Variants in ERCC3 observed in about 807,000 individuals in gnomAD.
ERCC3 encodes the protein general transcription and DNA repair factor IIH helicase/translocase subunit XPB.
ERCC3 carries 66 observed loss-of-function variants against 94.2 expected under a neutral mutation model. The observed-to-expected ratio is 0.70, with a 90% CI of 0.57 to 0.86. ERCC3 has a LOEUF of 0.86. ERCC3 is among the 40% of genes least tolerant of loss of function. The probability of loss-of-function intolerance (pLI) is 0.00; values close to 1 mark genes in which losing one functional copy is unlikely to be tolerated. For missense variants in ERCC3, 829 were observed against 987.1 expected, an observed-to-expected ratio of 0.84 and a Z score of 2.15; for synonymous variants, 349 against 369.1, an observed-to-expected ratio of 0.95 and a Z score of 0.63.
chr2:127,261,406 G>C (rs1416061143), intron 12 of ERCC3, 60 bp from the exon 13 acceptor site: 1 of 1,055,474 alleles, frequency 9.5e-7, no homozygotes, highest in African/African-American at 1.6e-5. Context: ...AGAATGCCAA[G>C]AGCTAAGGGT....
chr2:127,264,870 C>T lies in ERCC3; in HGVS notation c.1946-3524G>A, dbSNP rs931814167. ...AGATTTTTTTTTTTTTTTTTGGAGG[C>T]GGAGTCTCACTCTGTCACCCAGGCT... On this transcript the variant is annotated intron_variant, in intron 12 of 14. Coordinates refer to ENST00000285398, the MANE Select transcript of ERCC3 (RefSeq NM_000122.2). The surrounding 1 kb of genome is among the most constrained non-coding windows in gnomAD (Gnocchi z 4.4). Among the ~76,000 whole-genome samples, 2 of 143,318 alleles carry T rather than the reference C, an allele frequency of 1.4e-5. No homozygotes were observed. Among genetic ancestry groups the T allele is most frequent in the East Asian group, 2.0e-4 (1 of 5,014 alleles). The allele number at this position is 143,318 out of a possible 152,430, so 94.0% of individuals were successfully genotyped here.
chr2:127,277,955 C>G lies in ERCC3; in HGVS notation c.1730+1218G>C, dbSNP rs1346250022. On this transcript the variant is annotated intron_variant, in intron 10 of 14. Coordinates refer to ENST00000285398, the MANE Select transcript of ERCC3 (RefSeq NM_000122.2). The surrounding 1 kb of genome is among the most constrained non-coding windows in gnomAD (Gnocchi z 5.1). Reference sequence around the variant, plus strand: ...AAGCTATTGCTTAGAAAGATGAAGGCTGGCCAGGTGTGGTGGCTCATGACT... The same window carrying G: ...AAGCTATTGCTTAGAAAGATGAAGGGTGGCCAGGTGTGGTGGCTCATGACT... Among the ~76,000 whole-genome samples, 1 of 151,944 alleles carries G rather than the reference C, an allele frequency of 6.6e-6. No individual in the cohort carries two copies.
Position 127,264,167 on chromosome 2 carries a change from C to G in ERCC3, c.1946-2821G>C, listed in dbSNP as rs975976766. Reference sequence around the variant, plus strand: ...ATCATGAAGGAATGTTGAATTTTATCAAAAGCTCTTTCTGGGCTGGGCGCA... The same window carrying G: ...ATCATGAAGGAATGTTGAATTTTATGAAAAGCTCTTTCTGGGCTGGGCGCA... On this transcript the variant is annotated intron_variant, in intron 12 of 14. Transcript: ENST00000285398. The surrounding 1 kb of genome is among the most constrained non-coding windows in gnomAD (Gnocchi z 4.4). 1.2e-4 allele frequency among the ~76,000 whole-genome samples: 18 copies of G among 152,112 alleles called. No individual in the cohort carries two copies. The highest frequency in any genetic ancestry group is 3.9e-4 in the African/African-American group (16 of 41,434).
rs761403861 is a variant in ERCC3 at position 127,280,450 on chromosome 2, AG to A, written c.1523del (p.Ala508ValfsTer29). On this transcript the variant is annotated frameshift_variant, in exon 9 of 15. Transcript: ENST00000285398. LOFTEE classifies it high-confidence loss of function. The surrounding 1 kb of genome is among the most constrained non-coding windows in gnomAD (Gnocchi z 6.3). ...CCCCCAGCCCAGGCCCAGCTACCTC[AG>A]CACACTGGACTTTGGCGATGTAGCC... is the stretch of plus-strand genomic sequence containing the variant. ...NNGYIAKVQCAEVWCPMSPEF... is the reference protein window; with the variant it reads ...NNGYIAKVQCXEVWCPMSPEF... 6.2e-7 allele frequency: 1 copy of A among 1,611,256 alleles called. No individual in the cohort carries two copies. The highest frequency in any genetic ancestry group is 8.5e-7 in the Non-Finnish European group (1 of 1,178,926).
In ERCC3 at chr2:127,272,846, C is replaced by T. The variant is rs1382375705; in HGVS notation, c.1827+19G>A. ...CAGAGTGCTAGGGGCCTCACCTCCA[C>T]CCCATATGCCACACAAACCTTGGAT... On this transcript the variant is annotated intron_variant, in intron 11 of 14. Transcript: ENST00000285398. The T allele has an allele frequency of 9.0e-6, 14 of 1,552,916 alleles. No individual in the cohort carries two copies. Among genetic ancestry groups the T allele is most frequent in the South Asian group, 2.2e-5 (2 of 89,816 alleles).
rs2104761804 is a variant in ERCC3 at position 127,280,464 on chromosome 2, T to G, written c.1510A>C (p.Lys504Gln). The G allele has an allele frequency of 6.2e-7, 1 of 1,612,814 alleles. No individual in the cohort carries two copies. Among genetic ancestry groups the G allele is most frequent in the Non-Finnish European group, 8.5e-7 (1 of 1,179,548 alleles). The change falls in exon 9 of 15, where the codon AAA (lysine) becomes CAA (glutamine). Residue 504 changes from lysine (K) to glutamine (Q), a missense_variant. Lys to Gln is a moderately conservative substitution (Grantham distance 53). Coordinates refer to ENST00000285398, the MANE Select transcript of ERCC3 (RefSeq NM_000122.2). The surrounding 1 kb of genome is among the most constrained non-coding windows in gnomAD (Gnocchi z 6.3). The stretch of plus-strand genomic sequence containing the variant: ...CCAGCTACCTCAGCACACTGGACTT[T>G]GGCGATGTAGCCATTATTCTGCAGC... ...MELQNNGYIAKVQCAEVWCPM... is the reference protein window; with the variant it reads ...MELQNNGYIAQVQCAEVWCPM...
At position 127,278,690 on chromosome 2, in the gene ERCC3, A is replaced by C. The variant is rs4150465; in HGVS notation, c.1730+483T>G. Among the ~76,000 whole-genome samples, 214 of 152,278 alleles carry C rather than the reference A, an allele frequency of 1.4e-3. 4 individuals are homozygous for C. The East Asian group carries it at 0.036, about 26-fold the overall frequency. ...TACAAAAGCCAGGTTTTAAGCACAA[A>C]TATTTGGGTGGAGCCATGGGTTGAT... On this transcript the variant is annotated intron_variant, in intron 10 of 14. Coordinates refer to ENST00000285398, the MANE Select transcript of ERCC3 (RefSeq NM_000122.2).
chr2:127,288,057 T>C (rs1419887253), intron 7 of ERCC3, among the ~76,000 whole-genome samples: 3 of 152,210 alleles, frequency 2.0e-5, no homozygotes, highest in South Asian at 2.1e-4. Flanking sequence ...CCTGAAGACC[T>C]TGCCTCTGTA....
At chr2:127,272,367 G>A (rs770133161) in intron 11 of ERCC3, among the ~76,000 whole-genome samples, 14 of 152,154 alleles carry the variant, frequency 9.2e-5, no homozygotes, top group Admixed American at 2.6e-4. Flanking sequence ...GTCTTAATCT[G>A]AATGACTATT....
At position 127,292,755 on chromosome 2, in the gene ERCC3, C is replaced by A. The variant is rs755616510; in HGVS notation, c.326G>T (p.Arg109Leu). 4 of 1,613,640 alleles carry A rather than the reference C, an allele frequency of 2.5e-6. No homozygotes were observed. The highest frequency in any genetic ancestry group is 2.2e-5 in the East Asian group (1 of 44,892). Residue 109 changes from arginine to leucine, a missense_variant, in exon 3 of 15, where the codon CGA becomes CTA. Transcript: ENST00000285398. ...TTTGTACTCATGCACATGGGTTGGTCGGCACACTGGCTCTGCAATAGCCAC... is the reference window on the plus strand; with the variant it reads ...TTTGTACTCATGCACATGGGTTGGTAGGCACACTGGCTCTGCAATAGCCAC... ...FLVAIAEPVC[R>L]PTHVHEYKLT...
chr2:127,272,718 G>GC (rs1684598082), intron 11 of ERCC3, 147 bp downstream of exon 11: 9 of 655,860 alleles, frequency 1.4e-5, no homozygotes, highest in Non-Finnish European at 2.3e-5. Context: ...CCCAGGCAGT[G>GC]CCCCCTATCC....
intron 10 of ERCC3, among the ~76,000 whole-genome samples, chr2:127,276,183 C>G (rs1684731366): frequency 6.6e-6 from 1 of 152,138 alleles, no homozygotes; most frequent in African/African-American, 2.4e-5. Flanking sequence ...CTGAAAAATT[C>G]CTCACTGAAG....
chr2:127,289,282 C>A (rs1251222310), intron 6 of ERCC3, 55 bp downstream of exon 6: 3 of 1,510,224 alleles, frequency 2.0e-6, no homozygotes, highest in African/African-American at 1.4e-5. Context: ...CATGGCTGGA[C>A]TAGCTTCTAA....
intron 6 of ERCC3, 121 bp downstream of exon 6, chr2:127,289,216 A>G (rs1685182180): frequency 3.4e-6 from 3 of 882,150 alleles, no homozygotes; most frequent in Non-Finnish European, 5.7e-6. Context: ...GGAGAAAGCA[A>G]TTCAGGGACC....
At chr2:127,289,897 T>G in intron 4 of ERCC3, 73 bp from the exon 5 acceptor site, 1 of 1,531,330 alleles carries the variant, frequency 6.5e-7, no homozygotes. Context: ...CTCATTCAAT[T>G]AGATGGTCTG....
At position 127,271,265 on chromosome 2, in the gene ERCC3, C is replaced by G. The variant is rs1684539974; in HGVS notation, c.1945+71G>C. Reference sequence around the variant, plus strand: ...CCAGGGCACATGGCAGCTCTCACCCCTATCGTCTTCCTAACTAAAGTGGTT... The same window carrying G: ...CCAGGGCACATGGCAGCTCTCACCCGTATCGTCTTCCTAACTAAAGTGGTT... On this transcript the variant is annotated intron_variant, in intron 12 of 14. Transcript: ENST00000285398. The surrounding 1 kb of genome is among the most constrained non-coding windows in gnomAD (Gnocchi z 5.0). The G allele has an allele frequency of 9.4e-7, 1 of 1,061,266 alleles. No individual in the cohort carries two copies. Among genetic ancestry groups the G allele is most frequent in the South Asian group, 1.2e-5 (1 of 80,006 alleles). 65.7% of individuals were successfully genotyped at this position (1,061,266 alleles called of 1,614,324 possible). A position where few individuals can be genotyped will look rare whatever the true frequency, so the allele number is the denominator to read the frequency against.
rs1558953128 is a variant in ERCC3, at chr2:127,272,933, C to T, written c.1759G>A (p.Gly587Arg). ...TTCTGGAGAATTTGCATCCTTTCCC[C>T]CTGAGACGTAGGTCCGTAGATATAG... ...KPYIYGPTSQ[G>R]ERMQILQNFK... Residue 587 changes from glycine (G) to arginine (R), a missense_variant, in exon 11 of 15, where the codon GGG (glycine) becomes AGG (arginine). By Grantham distance (125) the Gly-to-Arg change is moderately radical. Coordinates refer to ENST00000285398, the MANE Select transcript of ERCC3 (RefSeq NM_000122.2). 1.2e-6 allele frequency: 2 copies of T among 1,612,720 alleles called. No individual in the cohort carries two copies. The highest frequency in any genetic ancestry group is 2.2e-5 in the East Asian group (1 of 44,888).
Position 127,290,243 on chromosome 2 carries a change from G to A in ERCC3, c.502C>T (p.Leu168=). The A allele has an allele frequency of 6.2e-7, 1 of 1,614,014 alleles. No homozygotes were observed. The highest frequency in any genetic ancestry group is 2.2e-5 in the East Asian group (1 of 44,888). The stretch of plus-strand genomic sequence containing the variant: ...TCTTACCTGTTGTGCTTCAAGACCA[G>A]CTTGACTTTTCCATAGCTGACAGTA... ...LCTVSYGKVK[L]VLKHNRYFVE... The change falls in exon 4 of 15, where the codon CTG becomes TTG. Residue 168 remains leucine (L), a synonymous_variant. Transcript: ENST00000285398.
intron 10 of ERCC3, among the ~76,000 whole-genome samples, chr2:127,275,630 G>A (rs889468607): frequency 6.6e-6 from 1 of 152,188 alleles, no homozygotes; most frequent in Admixed American, 6.5e-5. Context: ...GAAGACTGGA[G>A]GAGCATTGCT....
Sources: allele counts gnomAD v4.1 joint callset (sites outside exome capture counted in the v4.1 genomes callset), GRCh38; gene constraint gnomAD v4.1.1; non-coding constraint Gnocchi (gnomAD v3.1); transcripts MANE v1.5; gene names NCBI Gene and HGNC (gene_info 2026-07-23, HGNC 2026-07-21).